The following GFRAL variants were observed in gnomAD, a reference collection of about 807,000 sequenced individuals.
GFRAL encodes GDNF family receptor alpha like.
In GFRAL, 36 loss-of-function variants were observed where a neutral mutation model predicts 45.4. That is an observed-to-expected ratio of 0.79 (90% CI 0.61 to 1.05). The LOEUF (loss-of-function observed/expected upper bound fraction) is 1.05, where lower values mean the gene tolerates loss of function less well. Among genes scored for constraint, GFRAL ranks in the 50% least tolerant of loss-of-function variants. The probability of loss-of-function intolerance (pLI) is 0.00; values close to 1 mark genes in which losing one functional copy is unlikely to be tolerated. For synonymous variants in GFRAL, 166 were observed against 154.1 expected (o/e 1.08, Z -0.57); for missense variants, 507 against 467.5 (o/e 1.08, Z -0.78).
At chr6:55,366,196 C>A (rs1446242222) in intron 6 of GFRAL, among the ~76,000 whole-genome samples, 2 of 151,674 alleles carry the variant, frequency 1.3e-5, no homozygotes, top group Non-Finnish European at 2.9e-5. Flanking sequence ...GGAATTTATC[C>A]ATTTCTTCTA....
At chr6:55,345,296 C>T (rs1266864556) in intron 3 of GFRAL, among the ~76,000 whole-genome samples, 1 of 152,206 alleles carries the variant, frequency 6.6e-6, no homozygotes, top group African/African-American at 2.4e-5. Context: ...TCAAACTATA[C>T]TACAAGGCAG....
rs1386872174 is a variant in GFRAL, at chr6:55,367,838, A to T, written c.952+8700A>T. On this transcript the variant is annotated intron_variant, in intron 6 of 8. Coordinates refer to ENST00000340465, the MANE Select transcript of GFRAL (RefSeq NM_207410.2). ...TCTTAGTCTGATGGCGTTCCCTTTG[A>T]GGGTAACCCGACCTTTCTCTCTGGC... 1.2e-4 allele frequency among the ~76,000 whole-genome samples: 18 copies of T among 151,918 alleles called. No homozygotes were observed. The East Asian group carries it at 3.5e-3, about 30-fold the overall frequency.
chr6:55,371,543 T>C (rs1357959242), intron 6 of GFRAL, among the ~76,000 whole-genome samples: 1 of 152,250 alleles, frequency 6.6e-6, no homozygotes, highest in East Asian at 1.9e-4. Context: ...AAGAGAATTA[T>C]CTCATCATTT....
At chr6:55,381,335 CT>C (rs1420475093) in intron 6 of GFRAL, among the ~76,000 whole-genome samples, 2 of 151,844 alleles carry the variant, frequency 1.3e-5, no homozygotes, top group Admixed American at 1.3e-4. Flanking sequence ...CATTTCATTT[CT>C]TTTTATAGCC....
chr6:55,360,562 T>A lies in GFRAL; in HGVS notation c.952+1424T>A, dbSNP rs188164257. ...TAATAGGCATACAGCTCAGAGTTTA[T>A]GGTTTTGATTTCGACAGTGTTTTCT... On this transcript the variant is annotated intron_variant, in intron 6 of 8. Coordinates refer to ENST00000340465, the MANE Select transcript of GFRAL (RefSeq NM_207410.2). 6.6e-5 allele frequency among the ~76,000 whole-genome samples: 10 copies of A among 152,128 alleles called. No individual in the cohort carries two copies. The East Asian group carries it at 1.7e-3, about 27-fold the overall frequency.
intron 6 of GFRAL, among the ~76,000 whole-genome samples, chr6:55,362,274 G>GA (rs74432101): frequency 0.016 from 1,951 of 123,828 alleles, 21 homozygotes; most frequent in South Asian, 0.044. Context: ...AAATGATAAT[G>GA]AAAAAAAAAA....
intron 6 of GFRAL, 119 bp from the exon 7 acceptor site, chr6:55,399,059 TCA>T (rs1421830434): frequency 3.8e-6 from 2 of 521,162 alleles, no homozygotes; most frequent in African/African-American, 3.9e-5. Flanking sequence ...TTCAAATCTA[TCA>T]GATTAAAATA....
At chr6:55,371,636 C>A (rs776596882) in intron 6 of GFRAL, among the ~76,000 whole-genome samples, 3 of 152,254 alleles carry the variant, frequency 2.0e-5, no homozygotes, top group East Asian at 1.9e-4. Flanking sequence ...TCATGGAATG[C>A]AAATCACTTT....
intron 6 of GFRAL, among the ~76,000 whole-genome samples, chr6:55,374,725 C>T (rs565598169): frequency 6.6e-6 from 1 of 152,114 alleles, no homozygotes; most frequent in African/African-American, 2.4e-5. Flanking sequence ...AATGGTATTG[C>T]CTAGATTTTC....
intron 5 of GFRAL, among the ~76,000 whole-genome samples, chr6:55,358,341 CT>C (rs950453998): frequency 1.3e-4 from 19 of 151,806 alleles, no homozygotes; most frequent in South Asian, 2.1e-4. Context: ...ATTATCCAGA[CT>C]TTTTTTCAAT....
intron 6 of GFRAL, among the ~76,000 whole-genome samples, chr6:55,390,650 G>T (rs1294940988): frequency 6.6e-6 from 1 of 152,116 alleles, no homozygotes; most frequent in African/African-American, 2.4e-5. Context: ...AGCACTTTGG[G>T]AGACCAAGGC....
intron 6 of GFRAL, among the ~76,000 whole-genome samples, chr6:55,360,655 A>G (rs1768262133): frequency 6.6e-6 from 1 of 151,988 alleles, no homozygotes; most frequent in African/African-American, 2.4e-5. Flanking sequence ...GATACAGAGA[A>G]GAATTGAAGT....
intron 6 of GFRAL, among the ~76,000 whole-genome samples, chr6:55,383,108 A>G (rs1016946483): frequency 2.0e-5 from 3 of 151,900 alleles, no homozygotes; most frequent in African/African-American, 7.2e-5. Context: ...TGCAAACTTC[A>G]TTGTTCATAA....
chr6:55,370,432 G>A (rs923748040), intron 6 of GFRAL, among the ~76,000 whole-genome samples: 1 of 151,936 alleles, frequency 6.6e-6, no homozygotes, highest in Non-Finnish European at 1.5e-5. Context: ...AAGCCATGTT[G>A]TGATGTAGAA....
At chr6:55,388,979 G>T (rs1425514208) in intron 6 of GFRAL, among the ~76,000 whole-genome samples, 2 of 152,028 alleles carry the variant, frequency 1.3e-5, no homozygotes, top group Admixed American at 6.5e-5. Context: ...TGTTGTTTAT[G>T]ATCTGATTTC....
At chr6:55,356,243 T>C (rs543790283) in intron 5 of GFRAL, among the ~76,000 whole-genome samples, 2 of 152,062 alleles carry the variant, frequency 1.3e-5, no homozygotes, top group South Asian at 2.1e-4. Context: ...AAAGAATGAG[T>C]TTGGAAGTAT....
intron 6 of GFRAL, among the ~76,000 whole-genome samples, chr6:55,367,733 T>G (rs1768385093): frequency 6.6e-6 from 1 of 151,268 alleles, no homozygotes; most frequent in East Asian, 1.9e-4. Flanking sequence ...AATTCTGGGT[T>G]GAAAATTCTT....
intron 6 of GFRAL, among the ~76,000 whole-genome samples, chr6:55,388,081 C>T (rs533887684): frequency 6.6e-6 from 1 of 152,230 alleles, no homozygotes; most frequent in African/African-American, 2.4e-5. Flanking sequence ...CAATGATTTC[C>T]CTTGGTTGCT....
chr6:55,371,147 A>C (rs184719808), intron 6 of GFRAL, among the ~76,000 whole-genome samples: 456 of 152,306 alleles, frequency 3.0e-3, no homozygotes, highest in African/African-American at 0.01. Context: ...GTAATTTCTA[A>C]ATAAATTTTT....
Sources: gnomAD v4.1 joint callset for allele counts (sites outside exome capture counted in the v4.1 genomes callset) on GRCh38, gnomAD v4.1.1 for gene constraint, MANE v1.5 for transcripts, NCBI Gene and HGNC (gene_info 2026-07-23, HGNC 2026-07-21) for gene names.